Variants in DNM3 observed in about 807,000 individuals in gnomAD.
DNM3 encodes the protein dynamin-3.
DNM3 carries 47 observed loss-of-function variants against 101.6 expected under a neutral mutation model. The ratio of observed to expected loss-of-function variants is 0.46; its 90% CI spans 0.37 to 0.59. DNM3 has a LOEUF of 0.59. Ranked by LOEUF, DNM3 falls within the 20% of genes least tolerant of loss-of-function variation. DNM3 has a pLI of 0.00. For synonymous variants in DNM3, 385 were observed against 387.9 expected (o/e 0.99, Z 0.09); for missense variants, 849 against 1,085.7 (o/e 0.78, Z 3.06).
chr1:172,013,685 G>A (rs1286895021), intron 4 of DNM3, among the ~76,000 whole-genome samples: 1 of 152,030 alleles, frequency 6.6e-6, no homozygotes, highest in Non-Finnish European at 1.5e-5. Flanking sequence ...TGAAGGATAG[G>A]TAGGAGTTGA....
chr1:172,109,035 A>G (rs1455993280), intron 13 of DNM3, among the ~76,000 whole-genome samples: 2 of 152,208 alleles, frequency 1.3e-5, no homozygotes, highest in Non-Finnish European at 2.9e-5. Flanking sequence ...GCACTATAAT[A>G]TGAATTCTTT....
intron 9 of DNM3, among the ~76,000 whole-genome samples, chr1:172,046,224 C>T (rs1209782252): frequency 2.6e-5 from 4 of 152,016 alleles, no homozygotes; most frequent in African/African-American, 7.3e-5. Context: ...ACTATGCAGC[C>T]ATAAAAAATG....
intron 1 of DNM3, among the ~76,000 whole-genome samples, chr1:171,889,610 T>G (rs2037084290): frequency 6.6e-6 from 1 of 152,206 alleles, no homozygotes; most frequent in Admixed American, 6.5e-5. Context: ...GGTTTAGGTA[T>G]GATAGCGTCA....
At position 172,412,411 on chromosome 1, in the gene DNM3, TTTGC is replaced by T; in HGVS notation, c.*4578_*4581del. On this transcript the variant is annotated 3_prime_UTR_variant, in exon 21 of 21. Coordinates refer to ENST00000627582, the MANE Select transcript of DNM3 (RefSeq NM_015569.5). ...TCCTATGTACATGTACAGCCTTTGTTTTGCTTGCTTGTCTATTTTTACTTTCCCT... is the reference window on the plus strand; with the variant it reads ...TCCTATGTACATGTACAGCCTTTGTTTTGCTTGTCTATTTTTACTTTCCCT... 7.1e-6 allele frequency: 7 copies of T among 985,850 alleles called. No individual in the cohort carries two copies. Among genetic ancestry groups the T allele is most frequent in the Non-Finnish European group, 8.4e-6 (7 of 829,912 alleles). The allele number at this position is 985,850 out of a possible 1,614,324, so 61.1% of individuals were successfully genotyped here. A position where few individuals can be genotyped will look rare whatever the true frequency, so the allele number is the denominator to read the frequency against.
At chr1:172,052,853 T>G (rs974487056) in intron 10 of DNM3, among the ~76,000 whole-genome samples, 2 of 152,204 alleles carry the variant, frequency 1.3e-5, no homozygotes, top group Non-Finnish European at 2.9e-5. Context: ...AAAATATTGG[T>G]GATTCCCAAA....
At chr1:172,179,417 A>G (rs1320450783) in intron 14 of DNM3, among the ~76,000 whole-genome samples, 11 of 152,024 alleles carry the variant, frequency 7.2e-5, no homozygotes, top group Non-Finnish European at 1.5e-4. Context: ...TTAAAGGATT[A>G]TATAAGTATT....
At chr1:172,264,851 C>T (rs1203982495) in intron 15 of DNM3, among the ~76,000 whole-genome samples, 3 of 152,128 alleles carry the variant, frequency 2.0e-5, no homozygotes, top group Non-Finnish European at 4.4e-5. Flanking sequence ...GAACTACAAC[C>T]CAGGTCTAAT....
intron 18 of DNM3, 108 bp downstream of exon 18, chr1:172,379,290 A>G (rs559100229): frequency 3.6e-5 from 35 of 969,156 alleles, no homozygotes; most frequent in Admixed American, 1.2e-4. Context: ...TTCAAATAAT[A>G]TTACCCAGGT....
chr1:172,315,288 G>A (rs1254329430), intron 16 of DNM3, among the ~76,000 whole-genome samples: 1 of 152,082 alleles, frequency 6.6e-6, no homozygotes, highest in East Asian at 1.9e-4. Flanking sequence ...ACAAAGATGG[G>A]GAAAAAACAG....
chr1:172,382,846 T>C (rs1240355147), intron 18 of DNM3, among the ~76,000 whole-genome samples: 2 of 152,112 alleles, frequency 1.3e-5, no homozygotes, highest in Non-Finnish European at 2.9e-5. Context: ...ATTTGAAACA[T>C]AGAGCCATTT....
chr1:172,387,289 A>G lies in DNM3; in HGVS notation c.2215A>G (p.Ile739Val), dbSNP rs748958020. ...LKEALGIIGD[I>V]STATVSTPAP... ...AGAAGCCCTTGGGATAATTGGGGAC[A>G]TCAGCACAGCCACCGTGTCCACTCC... The change falls in exon 19 of 21, where the codon ATC becomes GTC. Residue 739 changes from isoleucine (I) to valine (V), a missense_variant. Ile to Val is a conservative substitution (Grantham distance 29, BLOSUM62 3). Transcript: ENST00000627582. The G allele has an allele frequency of 6.2e-7, 1 of 1,613,936 alleles. No individual in the cohort carries two copies. Among genetic ancestry groups the G allele is most frequent in the East Asian group, 2.2e-5 (1 of 44,872 alleles).
intron 17 of DNM3, among the ~76,000 whole-genome samples, chr1:172,370,691 G>A (rs556045113): frequency 6.6e-5 from 10 of 152,048 alleles, no homozygotes; most frequent in African/African-American, 2.4e-4. Context: ...AGAGAAAACT[G>A]AAGCACACAG....
intron 2 of DNM3, among the ~76,000 whole-genome samples, chr1:171,965,251 G>C (rs1477382631): frequency 6.6e-6 from 1 of 152,006 alleles, no homozygotes; most frequent in African/African-American, 2.4e-5. Context: ...TTATTAAAAA[G>C]GATATTGTAG....
intron 17 of DNM3, among the ~76,000 whole-genome samples, chr1:172,353,754 TATATC>T (rs1268971018): frequency 1.3e-5 from 2 of 152,148 alleles, no homozygotes; most frequent in African/African-American, 4.8e-5. Context: ...TAAGTCTACT[TATATC>T]ATGAAGCTGG....
At chr1:172,280,374 T>C (rs1045196596) in intron 15 of DNM3, among the ~76,000 whole-genome samples, 1 of 152,190 alleles carries the variant, frequency 6.6e-6, no homozygotes, top group African/African-American at 2.4e-5. Context: ...AGGCAAAAAT[T>C]TAATCTTTTT....
chr1:171,950,274 T>C (rs562982811), intron 2 of DNM3, among the ~76,000 whole-genome samples: 223 of 152,326 alleles, frequency 1.5e-3, no homozygotes, highest in African/African-American at 5.1e-3. Context: ...GCTTAACAAA[T>C]TGTTGACTTT....
chr1:172,197,580 T>A (rs1041645677), intron 14 of DNM3, among the ~76,000 whole-genome samples: 2 of 152,176 alleles, frequency 1.3e-5, no homozygotes, highest in African/African-American at 4.8e-5. Context: ...CTTCTCTGAT[T>A]TCTTTGAGCA....
At chr1:171,897,564 C>A (rs2125209766) in intron 1 of DNM3, among the ~76,000 whole-genome samples, 1 of 152,226 alleles carries the variant, frequency 6.6e-6, no homozygotes, top group African/African-American at 2.4e-5. Context: ...GAGGGAAATG[C>A]TGTGGAGAAT....
chr1:172,223,008 T>C (rs554001663), intron 14 of DNM3, among the ~76,000 whole-genome samples: 2 of 152,274 alleles, frequency 1.3e-5, no homozygotes, highest in South Asian at 4.1e-4. Flanking sequence ...CATACACGTA[T>C]ACATTGCATA....
Sources: allele counts gnomAD v4.1 joint callset (sites outside exome capture counted in the v4.1 genomes callset), GRCh38; gene constraint gnomAD v4.1.1; transcripts MANE v1.5; gene names NCBI Gene and HGNC (gene_info 2026-07-23, HGNC 2026-07-21).